FNBP1L: variants seen among roughly 807,000 people sequenced by gnomAD.
FNBP1L encodes formin-binding protein 1-like.
A neutral mutation model predicts 91.2 loss-of-function variants in FNBP1L; 36 were observed. The observed-to-expected ratio is 0.39, with a 90% CI of 0.30 to 0.52. The LOEUF (loss-of-function observed/expected upper bound fraction) is 0.52. Ranked by LOEUF, FNBP1L falls within the 20% of genes least tolerant of loss-of-function variation. The pLI is 0.66. For missense variants in FNBP1L, 571 were observed against 732.1 expected (o/e 0.78, Z 2.54); for synonymous variants, 242 against 237.0 (o/e 1.02, Z -0.19).
intron 1 of FNBP1L, among the ~76,000 whole-genome samples, chr1:93,480,744 A>G (rs997818256): frequency 6.6e-6 from 1 of 151,972 alleles, no homozygotes; most frequent in Non-Finnish European, 1.5e-5. Context: ...TTGTATTTTT[A>G]GTAGAGACGG....
At chr1:93,487,496 C>T (rs1363558003) in intron 1 of FNBP1L, among the ~76,000 whole-genome samples, 1 of 152,052 alleles carries the variant, frequency 6.6e-6, no homozygotes, top group African/African-American at 2.4e-5. Context: ...TCACTGCATT[C>T]GATAGAGGAA....
intron 1 of FNBP1L, among the ~76,000 whole-genome samples, chr1:93,496,469 C>T (rs905370919): frequency 8.5e-5 from 13 of 152,192 alleles, no homozygotes; most frequent in South Asian, 2.1e-4. Flanking sequence ...GCAGTGATCA[C>T]GGCTCACTGC....
rs1248877476 is a variant in FNBP1L at position 93,541,034 on chromosome 1, C to T, written c.1150-8C>T. The T allele has an allele frequency of 1.3e-6, 2 of 1,535,902 alleles. No individual in the cohort carries two copies. The highest frequency in any genetic ancestry group is 1.7e-6 in the Non-Finnish European group (2 of 1,146,006). The stretch of plus-strand genomic sequence containing the variant: ...CCATTTCTTTCTGTTTTCCATTGAA[C>T]TATTCAGTGGTCGGTGAAGATGGTA... On this transcript the variant is annotated splice_polypyrimidine_tract_variant and splice_region_variant and intron_variant, in intron 10 of 16. Coordinates refer to ENST00000271234, the MANE Select transcript of FNBP1L (RefSeq NM_001164473.3).
intron 1 of FNBP1L, among the ~76,000 whole-genome samples, chr1:93,493,679 G>A (rs1670171698): frequency 6.6e-6 from 1 of 152,040 alleles, no homozygotes; most frequent in South Asian, 2.1e-4. Flanking sequence ...TCCATGTTTT[G>A]TAGCATGTGC....
chr1:93,457,901 C>G (rs922523741), intron 1 of FNBP1L, among the ~76,000 whole-genome samples: 3 of 151,788 alleles, frequency 2.0e-5, no homozygotes, highest in South Asian at 2.1e-4. Context: ...ACACCATTCT[C>G]CTGCCTCAGC....
chr1:93,517,982 A>G (rs1671189966), intron 2 of FNBP1L, among the ~76,000 whole-genome samples: 1 of 152,244 alleles, frequency 6.6e-6, no homozygotes, highest in South Asian at 2.1e-4. Context: ...GATTATATAT[A>G]AAGAGTTTAG....
intron 1 of FNBP1L, among the ~76,000 whole-genome samples, chr1:93,460,006 T>C (rs1275957433): frequency 1.3e-5 from 2 of 150,766 alleles, no homozygotes; most frequent in African/African-American, 2.4e-5. Flanking sequence ...ATTGGCATTA[T>C]ACTTATCAAT....
Position 93,547,392 on chromosome 1 carries a change from A to C in FNBP1L, c.1453A>C (p.Arg485=), listed in dbSNP as rs372112494. The C allele has an allele frequency of 6.4e-7, 1 of 1,562,326 alleles. No individual in the cohort carries two copies. Among genetic ancestry groups the C allele is most frequent in the East Asian group, 2.4e-5 (1 of 42,076 alleles). Residue 485 remains arginine, a synonymous_variant, in exon 14 of 17, where the codon AGA becomes CGA. Transcript: ENST00000271234. ...AGGCAAAACAGGTGGGAGAGGAGAC[A>C]GAAGACATAGCAGTGACATAAATCA... ...VEGKTGGRGD[R]RHSSDINHLV...
At chr1:93,452,713 A>G (rs1481614846) in intron 1 of FNBP1L, among the ~76,000 whole-genome samples, 1 of 152,154 alleles carries the variant, frequency 6.6e-6, no homozygotes, top group Non-Finnish European at 1.5e-5. Flanking sequence ...TATAATATTG[A>G]CTTTAATTTT....
intron 1 of FNBP1L, among the ~76,000 whole-genome samples, chr1:93,497,666 C>G (rs540789264): frequency 2.9e-4 from 44 of 152,298 alleles, no homozygotes; most frequent in Non-Finnish European, 3.8e-4. Context: ...ATTGCCCAGA[C>G]TGGAGTGCAG....
At chr1:93,548,183 TC>T (rs1193746614) in intron 14 of FNBP1L, among the ~76,000 whole-genome samples, 1 of 152,190 alleles carries the variant, frequency 6.6e-6, no homozygotes, top group Non-Finnish European at 1.5e-5. Context: ...ATATCTTTAA[TC>T]TGTTAAGAGA....
At chr1:93,516,355 C>A (rs959150337) in intron 2 of FNBP1L, among the ~76,000 whole-genome samples, 1 of 152,174 alleles carries the variant, frequency 6.6e-6, no homozygotes, top group African/African-American at 2.4e-5. Flanking sequence ...CCCCCTTTAC[C>A]TGTTAAAAGC....
At chr1:93,550,702 C>T (rs1297149903) in intron 15 of FNBP1L, among the ~76,000 whole-genome samples, 3 of 152,190 alleles carry the variant, frequency 2.0e-5, no homozygotes, top group Non-Finnish European at 2.9e-5. Context: ...ACTCAGTTAA[C>T]TTCATCCGTT....
chr1:93,479,381 AGCTGTGCACGTATTATCTT>A (rs1669612239), intron 1 of FNBP1L, among the ~76,000 whole-genome samples: 1 of 152,242 alleles, frequency 6.6e-6, no homozygotes, highest in African/African-American at 2.4e-5. Context: ...GTGTGTGTTC[AGCTGTGCACGTATTATCTT>A]GATAAATATC....
Position 93,529,685 on chromosome 1 carries a change from G to A in FNBP1L, c.439G>A (p.Ala147Thr). The A allele has an allele frequency of 6.6e-7, 1 of 1,512,464 alleles. No individual in the cohort carries two copies. The highest frequency in any genetic ancestry group is 8.8e-7 in the Non-Finnish European group (1 of 1,134,646). 93.7% of individuals were successfully genotyped at this position (1,512,464 alleles called of 1,614,324 possible). A position where few individuals can be genotyped will look rare whatever the true frequency, so the allele number is the denominator to read the frequency against. The change falls in exon 6 of 17, where the codon GCA becomes ACA. Residue 147 changes from alanine to threonine, a missense_variant. Ala to Thr is a moderately conservative substitution (Grantham distance 58). This residue lies in a region of FNBP1L where 220 missense variants were observed against 313.6 expected (regional missense o/e 0.70). Transcript: ENST00000271234. Reference protein sequence around the residue: ...KKKFERECREAEKAQQSYERL... With the variant: ...KKKFERECRETEKAQQSYERL... Reference sequence around the variant, plus strand: ...GAAGTTTGAAAGAGAATGTAGAGAGGCAGAAAAGGCACAACAGAGTTATGA... The same window carrying A: ...GAAGTTTGAAAGAGAATGTAGAGAGACAGAAAAGGCACAACAGAGTTATGA...
At chr1:93,478,050 C>T (rs1418099216) in intron 1 of FNBP1L, among the ~76,000 whole-genome samples, 5 of 152,190 alleles carry the variant, frequency 3.3e-5, no homozygotes, top group Non-Finnish European at 7.3e-5. Context: ...ATAATTCACA[C>T]TGTGAAAACT....
intron 1 of FNBP1L, among the ~76,000 whole-genome samples, chr1:93,467,331 A>G (rs921506561): frequency 2.6e-5 from 4 of 152,336 alleles, no homozygotes; most frequent in African/African-American, 7.2e-5. Context: ...GACACATTCT[A>G]TAAAACATGG....
At chr1:93,543,921 G>C in intron 11 of FNBP1L, 186 bp from the exon 12 acceptor site, 1 of 357,968 alleles carries the variant, frequency 2.8e-6, no homozygotes, top group Non-Finnish European at 5.2e-6. Flanking sequence ...TCAGTACATT[G>C]TTTTCATTAA....
At chr1:93,497,853 C>A (rs1052160191) in intron 1 of FNBP1L, among the ~76,000 whole-genome samples, 3 of 152,126 alleles carry the variant, frequency 2.0e-5, no homozygotes, top group Admixed American at 2.0e-4. Flanking sequence ...CTCCTGACTT[C>A]AAGTGATCCA....
Sources: allele counts gnomAD v4.1 joint callset (sites outside exome capture counted in the v4.1 genomes callset), GRCh38; gene constraint gnomAD v4.1.1; regional missense constraint gnomAD v4.1.1; transcripts MANE v1.5; gene names NCBI Gene and HGNC (gene_info 2026-07-23, HGNC 2026-07-21).